Variants in ARMCX4 observed in about 807,000 individuals in gnomAD.
ARMCX4 encodes armadillo repeat containing X-linked 4.
A neutral mutation model predicts 34.7 loss-of-function variants in ARMCX4; 3 were observed. That is an observed-to-expected ratio of 0.09 (90% CI 0.04 to 0.22). The LOEUF is 0.22. ARMCX4 is among the 10% of genes least tolerant of loss of function. The pLI, the probability that ARMCX4 is intolerant of heterozygous loss-of-function variation, is 1.00. For missense variants in ARMCX4, 1,448 were observed against 1,720.8 expected, an observed-to-expected ratio of 0.84 and a Z score of 2.81; for synonymous variants, 513 against 632.8, an observed-to-expected ratio of 0.81 and a Z score of 2.84.
rs1449753187 is a variant in ARMCX4 at position 101,493,523 on chromosome X, G to A, written c.4934G>A (p.Arg1645Lys). The A allele has an allele frequency of 3.5e-6, 4 of 1,153,160 alleles. No individual in the cohort carries two copies. Among genetic ancestry groups the A allele is most frequent in the Middle Eastern group, 2.3e-4 (1 of 4,298 alleles). ...GGCACTGGGAATCAGTCCAGTGGAA[G>A]GTCCTGGATTGGGCCTGGGGATCAG... The part of the protein sequence containing the change: ...WAGTGNQSSG[R>K]SWIGPGDQAV... The change falls in exon 6 of 6, where the codon AGG (arginine) becomes AAG (lysine). Residue 1645 changes from arginine to lysine, a missense_variant. Transcript: ENST00000423738.
At chrX:101,511,149 T>C (rs916227955) in intron 11 of ARMCX4, 2 of 111,819 alleles carry the variant, frequency 1.8e-5, no homozygotes, top group African/African-American at 6.5e-5. Flanking sequence ...GATTTTTTGA[T>C]TTCTTGTATT....
At chrX:101,521,941 G>A (rs1156242524) in intron 11 of ARMCX4, among the ~76,000 whole-genome samples, 2 of 111,428 alleles carry the variant, frequency 1.8e-5, no homozygotes, top group Non-Finnish European at 3.8e-5. Context: ...CCTGAAGAAT[G>A]TTCCATGTGT....
chrX:101,425,622 T>G (rs1555990857), intron 2 of ARMCX4, among the ~76,000 whole-genome samples: 4 of 109,926 alleles, frequency 3.6e-5, no homozygotes, highest in African/African-American at 1.3e-4. Context: ...CTTGAACTCC[T>G]TACCTCAGGT....
intron 11 of ARMCX4, among the ~76,000 whole-genome samples, chrX:101,520,162 T>G (rs1363572265): frequency 2.7e-5 from 3 of 112,618 alleles, no homozygotes; most frequent in Non-Finnish European, 5.6e-5. Flanking sequence ...ATAACTGATT[T>G]TTGTATATTA....
upstream of ARMCX4, among the ~76,000 whole-genome samples, chrX:101,481,342 T>C (rs1230859963): frequency 8.9e-6 from 1 of 112,306 alleles, no homozygotes; most frequent in African/African-American, 3.2e-5. Flanking sequence ...ATGTGAGATA[T>C]TCAACACTTT....
At chrX:101,452,931 A>C (rs1446641947) in intron 4 of ARMCX4, among the ~76,000 whole-genome samples, 1 of 109,419 alleles carries the variant, frequency 9.1e-6, no homozygotes, top group Admixed American at 9.9e-5. Context: ...ACTTATATTG[A>C]ATGAGCAATT....
Position 101,494,410 on chromosome X carries a change from G to T in ARMCX4, c.5821G>T (p.Ala1941Ser). 8.7e-7 allele frequency: 1 copy of T among 1,155,892 alleles called. No individual in the cohort carries two copies. Reference protein sequence around the residue: ...NTSIKDKFEAAGGVDIGSWFC... With the variant: ...NTSIKDKFEASGGVDIGSWFC... ...CAGCATCAAGGATAAGTTTGAGGCT[G>T]CTGGTGGAGTTGATATAGGGTCTTG... The change falls in exon 6 of 6, where the codon GCT becomes TCT. Residue 1941 changes from alanine (A) to serine (S), a missense_variant. This residue lies in a region of ARMCX4 where 1,343 missense variants were observed against 1,540.7 expected (regional missense o/e 0.87). Transcript: ENST00000423738.
Sources: allele counts gnomAD v4.1 joint callset (sites outside exome capture counted in the v4.1 genomes callset), GRCh38; gene constraint gnomAD v4.1.1; regional missense constraint gnomAD v4.1.1; transcripts MANE v1.5; gene names NCBI Gene and HGNC (gene_info 2026-07-23, HGNC 2026-07-21).